Variants in DCUN1D3 observed in about 807,000 individuals in gnomAD.
The protein encoded by DCUN1D3 is DCN1-like protein 3.
A neutral mutation model predicts 24.8 loss-of-function variants in DCUN1D3; 6 were observed. The ratio of observed to expected loss-of-function variants is 0.24; its 90% CI spans 0.13 to 0.48. DCUN1D3 has a LOEUF of 0.48. Ranked by LOEUF, DCUN1D3 falls within the 20% of genes least tolerant of loss-of-function variation. The probability of loss-of-function intolerance (pLI) is 0.99; values close to 1 mark genes in which losing one functional copy is unlikely to be tolerated. For synonymous variants in DCUN1D3, 120 were observed against 144.9 expected (o/e 0.83, Z 1.24); for missense variants, 258 against 379.4 (o/e 0.68, Z 2.66).
chr16:20,894,075 T>C (rs2081904525), intron 1 of DCUN1D3, among the ~76,000 whole-genome samples: 1 of 152,166 alleles, frequency 6.6e-6, no homozygotes, highest in South Asian at 2.1e-4. Context: ...GAGACCAGCC[T>C]GGGCAACACA....
rs1318578612 is a variant in DCUN1D3 at position 20,860,094 on chromosome 16, T to C, written c.707A>G (p.Lys236Arg). The change falls in exon 3 of 3, where the codon AAG (lysine) becomes AGG (arginine). Residue 236 changes from lysine to arginine, a missense_variant. Transcript: ENST00000324344. This position sits in a 1 kb window ranked among gnomAD's most constrained non-coding sequence, Gnocchi z 4.3. Reference sequence around the variant, plus strand: ...GTTCCAAGTGTCCCGGGAGATGCCCTTGATCCCCGAGGGGTTCTCTGTTAG... The same window carrying C: ...GTTCCAAGTGTCCCGGGAGATGCCCCTGATCCCCGAGGGGTTCTCTGTTAG... ...NFLTENPSGI[K>R]GISRDTWNMF... 1 of 1,614,156 alleles carries C rather than the reference T, an allele frequency of 6.2e-7. No individual in the cohort carries two copies. Among genetic ancestry groups the C allele is most frequent in the East Asian group, 2.2e-5 (1 of 44,900 alleles).
chr16:20,865,106 T>G (rs540915781), intron 1 of DCUN1D3, among the ~76,000 whole-genome samples: 2 of 151,518 alleles, frequency 1.3e-5, no homozygotes, highest in South Asian at 4.2e-4. Context: ...TGTTTACCTG[T>G]GTAACAAACC....
intron 1 of DCUN1D3, among the ~76,000 whole-genome samples, chr16:20,892,964 T>C (rs2081898857): frequency 6.6e-6 from 1 of 152,162 alleles, no homozygotes; most frequent in South Asian, 2.1e-4. Context: ...CTTTGAAAGA[T>C]GAAGAGTTTG....
chr16:20,895,262 GT>G (rs1325623491), intron 1 of DCUN1D3, among the ~76,000 whole-genome samples: 9 of 6,846 alleles, frequency 1.3e-3, no homozygotes, highest in African/African-American at 8.0e-3. Context: ...GCCTGGCTAA[GT>G]TTTTTAAATT....
intron 1 of DCUN1D3, among the ~76,000 whole-genome samples, chr16:20,896,541 C>T (rs946177902): frequency 2.0e-5 from 3 of 150,430 alleles, no homozygotes; most frequent in Non-Finnish European, 3.0e-5. Flanking sequence ...TCCCCTCCTA[C>T]CCACCCGCCC....
chr16:20,888,612 G>A (rs2081877691), intron 1 of DCUN1D3, among the ~76,000 whole-genome samples: 2 of 152,104 alleles, frequency 1.3e-5, no homozygotes, highest in Non-Finnish European at 2.9e-5. Flanking sequence ...GCACCACCAT[G>A]CCTGGCTAAC....
At chr16:20,881,327 A>T (rs2152517961) in intron 1 of DCUN1D3, among the ~76,000 whole-genome samples, 1 of 152,296 alleles carries the variant, frequency 6.6e-6, no homozygotes, top group South Asian at 2.1e-4. Flanking sequence ...GAACTGCTTG[A>T]GCCCAGGAAT....
intron 1 of DCUN1D3, among the ~76,000 whole-genome samples, chr16:20,870,101 C>T (rs551566650): frequency 1.3e-5 from 2 of 152,302 alleles, no homozygotes; most frequent in South Asian, 4.1e-4. Context: ...AGCCACTTAA[C>T]CTCTCTGAGT....
At chr16:20,886,404 T>G (rs188927308) in intron 1 of DCUN1D3, among the ~76,000 whole-genome samples, 8 of 152,340 alleles carry the variant, frequency 5.3e-5, no homozygotes, top group African/African-American at 1.9e-4. Flanking sequence ...AAAAGCTTCT[T>G]TAAAAACTGC....
intron 1 of DCUN1D3, among the ~76,000 whole-genome samples, chr16:20,885,697 T>C (rs922082891): frequency 6.6e-6 from 1 of 152,168 alleles, no homozygotes; most frequent in Non-Finnish European, 1.5e-5. Flanking sequence ...TCGTTTCCCT[T>C]CTCAAGACCC....
At chr16:20,875,050 GCTGT>G (rs1354237239) in intron 1 of DCUN1D3, among the ~76,000 whole-genome samples, 1 of 152,032 alleles carries the variant, frequency 6.6e-6, no homozygotes, top group Admixed American at 6.6e-5. Flanking sequence ...CCACCACAAT[GCTGT>G]CTATTAAAAC....
rs968129530 is a variant in DCUN1D3, at chr16:20,856,248, A to G, written c.*3638T>C. On this transcript the variant is annotated 3_prime_UTR_variant, in exon 3 of 3. Transcript: ENST00000324344. ...CAAAAACTTACTTTTGCACCAACCT[A>G]ACAGATCTGTTTTGGTTTGTAAACT... 2 of 152,094 alleles carry G rather than the reference A, an allele frequency of 1.3e-5. No individual in the cohort carries two copies. The highest frequency in any genetic ancestry group is 6.5e-5 in the Admixed American group (1 of 15,274). The allele number at this position is 152,094 out of a possible 1,614,324, so 9.4% of individuals were successfully genotyped here. A position where few individuals can be genotyped will look rare whatever the true frequency, so the allele number is the denominator to read the frequency against.
intron 1 of DCUN1D3, among the ~76,000 whole-genome samples, chr16:20,874,810 T>A (rs185215872): frequency 1.5e-4 from 23 of 152,222 alleles, no homozygotes; most frequent in African/African-American, 5.3e-4. Context: ...GGCCCCAAGG[T>A]TTAGGCTTTG....
chr16:20,878,127 G>T (rs944689320), intron 1 of DCUN1D3, among the ~76,000 whole-genome samples: 27 of 151,954 alleles, frequency 1.8e-4, no homozygotes, highest in Non-Finnish European at 1.0e-4. Context: ...ATTTTTTCTT[G>T]GACTCCCCCC....
At chr16:20,877,401 C>T (rs750437051) in intron 1 of DCUN1D3, among the ~76,000 whole-genome samples, 1 of 152,172 alleles carries the variant, frequency 6.6e-6, no homozygotes, top group African/African-American at 2.4e-5. Context: ...TACTTCTTCA[C>T]GGCACTTACA....
At chr16:20,871,519 A>G (rs945893691) in intron 1 of DCUN1D3, among the ~76,000 whole-genome samples, 7 of 152,216 alleles carry the variant, frequency 4.6e-5, no homozygotes, top group African/African-American at 1.4e-4. Context: ...TGTCCCTCGC[A>G]TTGCACCCTT....
rs1205687668 is a variant in DCUN1D3, at chr16:20,860,766, C to T, written c.432-397G>A. 6.6e-6 allele frequency among the ~76,000 whole-genome samples: 1 copy of T among 152,190 alleles called. No homozygotes were observed. The highest frequency in any genetic ancestry group is 1.5e-5 in the Non-Finnish European group (1 of 68,046). On this transcript the variant is annotated intron_variant, in intron 2 of 2. Coordinates refer to ENST00000324344, the MANE Select transcript of DCUN1D3 (RefSeq NM_173475.4). This position sits in a 1 kb window ranked among gnomAD's most constrained non-coding sequence, Gnocchi z 4.3. The stretch of plus-strand genomic sequence containing the variant: ...GAGGCTTCCTGTTTCCCTTCTGATT[C>T]TCTATGGGTTGTTTGTTTGGGGTAT...
intron 1 of DCUN1D3, 77 bp from the exon 2 acceptor site, chr16:20,862,720 G>A: frequency 2.3e-6 from 3 of 1,310,318 alleles, no homozygotes; most frequent in Non-Finnish European, 3.0e-6. Context: ...GGTGCACACT[G>A]GTTCACCGCT....
At chr16:20,868,176 T>C (rs1472540898) in intron 1 of DCUN1D3, among the ~76,000 whole-genome samples, 1 of 152,196 alleles carries the variant, frequency 6.6e-6, no homozygotes, top group Non-Finnish European at 1.5e-5. Context: ...CACTGCCACC[T>C]CTGAAGTGGA....
Sources: allele counts gnomAD v4.1 joint callset (sites outside exome capture counted in the v4.1 genomes callset), GRCh38; gene constraint gnomAD v4.1.1; non-coding constraint Gnocchi (gnomAD v3.1); transcripts MANE v1.5; gene names NCBI Gene and HGNC (gene_info 2026-07-23, HGNC 2026-07-21).